TRIM2: variants seen among roughly 807,000 people sequenced by gnomAD.
TRIM2 encodes the protein tripartite motif-containing protein 2.
TRIM2 carries 20 observed loss-of-function variants against 75.2 expected under a neutral mutation model. The observed-to-expected ratio is 0.27, with a 90% CI of 0.19 to 0.39. TRIM2 has a LOEUF of 0.39. TRIM2 is among the 10% of genes least tolerant of loss of function. The pLI, the probability that TRIM2 is intolerant of heterozygous loss-of-function variation, is 1.00. For synonymous variants in TRIM2, 373 were observed against 388.3 expected (o/e 0.96, Z 0.46); for missense variants, 660 against 990.8 (o/e 0.67, Z 4.48).
In TRIM2 at chr4:153,204,459, T is replaced by TA; in HGVS notation, c.-70dup. The TA allele has an allele frequency of 6.5e-7, 1 of 1,531,960 alleles. No homozygotes were observed. Among genetic ancestry groups the TA allele is most frequent in the East Asian group, 2.5e-5 (1 of 40,806 alleles). The allele number at this position is 1,531,960 out of a possible 1,614,324, so 94.9% of individuals were successfully genotyped here. A position where few individuals can be genotyped will look rare whatever the true frequency, so the allele number is the denominator to read the frequency against. ...CTTTAACTCGGCAGCTTGATGACTATAATGGGCCCAGTTGTCTGCGGGCTG... is the reference window on the plus strand; with the variant it reads ...CTTTAACTCGGCAGCTTGATGACTATAAATGGGCCCAGTTGTCTGCGGGCTG... On this transcript the variant is annotated 5_prime_UTR_variant, in exon 1 of 12. It adds an upstream start codon to the 5' untranslated region. Coordinates refer to ENST00000338700, the MANE Select transcript of TRIM2 (RefSeq NM_015271.5).
At chr4:153,318,324 G>A (rs1768148533) in intron 8 of TRIM2, among the ~76,000 whole-genome samples, 2 of 152,194 alleles carry the variant, frequency 1.3e-5, no homozygotes, top group South Asian at 4.1e-4. Context: ...TTACGTAATT[G>A]TGAAACTCTC....
At chr4:153,214,677 G>C (rs1455510416) in intron 1 of TRIM2, among the ~76,000 whole-genome samples, 1 of 152,154 alleles carries the variant, frequency 6.6e-6, no homozygotes, top group Non-Finnish European at 1.5e-5. Flanking sequence ...GACCAAGCCA[G>C]TGTTTCTTGT....
intron 3 of TRIM2, 127 bp downstream of exon 3, chr4:153,276,257 A>G (rs1758009060): frequency 1.3e-6 from 1 of 782,416 alleles, no homozygotes; most frequent in African/African-American, 1.7e-5. Context: ...ATTAAAAAAG[A>G]TTTTTACCAG....
In TRIM2 at chr4:153,322,689, T is replaced by C. The variant is rs1001065185; in HGVS notation, c.1824T>C (p.Val608=). The C allele has an allele frequency of 6.2e-7, 1 of 1,614,136 alleles. No individual in the cohort carries two copies. Among genetic ancestry groups the C allele is most frequent in the Non-Finnish European group, 8.5e-7 (1 of 1,179,996 alleles). ...GSGKLMGPKG[V]SVDRNGHIIV... Reference sequence around the variant, plus strand: ...GAAAGCTGATGGGACCCAAAGGAGTTTCTGTGGACCGCAATGGGCACATTA... The same window carrying C: ...GAAAGCTGATGGGACCCAAAGGAGTCTCTGTGGACCGCAATGGGCACATTA... The change falls in exon 9 of 12, where the codon GTT becomes GTC. Residue 608 remains valine (V), a synonymous_variant. Coordinates refer to ENST00000338700, the MANE Select transcript of TRIM2 (RefSeq NM_015271.5).
At chr4:153,220,585 C>T (rs1252959668) in intron 1 of TRIM2, among the ~76,000 whole-genome samples, 1 of 152,068 alleles carries the variant, frequency 6.6e-6, no homozygotes, top group Non-Finnish European at 1.5e-5. Context: ...TTTAAAAGGA[C>T]AATTTAAAAT....
intron 1 of TRIM2, among the ~76,000 whole-genome samples, chr4:153,176,568 A>T (rs1731456598): frequency 6.6e-6 from 1 of 152,128 alleles, no homozygotes; most frequent in African/African-American, 2.4e-5. Context: ...ATAGGTTTAA[A>T]ATTATTTCCC....
intron 1 of TRIM2, among the ~76,000 whole-genome samples, chr4:153,221,134 TATATA>T (rs1739852980): frequency 6.6e-6 from 1 of 152,240 alleles, no homozygotes; most frequent in African/African-American, 2.4e-5. Context: ...GTGGTGTATT[TATATA>T]ATATAACATT....
intron 6 of TRIM2, chr4:153,310,214 T>C (rs1394135643): frequency 6.6e-6 from 1 of 152,236 alleles, no homozygotes; most frequent in African/African-American, 2.4e-5. Context: ...TACTAGCTAA[T>C]ATGTAACCAT....
intron 1 of TRIM2, among the ~76,000 whole-genome samples, chr4:153,213,961 G>A (rs1226385519): frequency 1.3e-5 from 2 of 151,786 alleles, no homozygotes; most frequent in African/African-American, 4.8e-5. Flanking sequence ...ATTAGAAAGT[G>A]GCAGCTTAGC....
At chr4:153,293,334 A>G (rs977774325) in intron 4 of TRIM2, among the ~76,000 whole-genome samples, 13 of 152,256 alleles carry the variant, frequency 8.5e-5, no homozygotes, top group African/African-American at 2.9e-4. Flanking sequence ...GTAGAACTCC[A>G]GCCTCCTTAT....
At chr4:153,175,006 T>C (rs1244513255) in intron 1 of TRIM2, among the ~76,000 whole-genome samples, 1 of 101,778 alleles carries the variant, frequency 9.8e-6, no homozygotes, top group Non-Finnish European at 2.1e-5. Context: ...GTTTTGTTTT[T>C]GTTTTGTTTT....
intron 3 of TRIM2, among the ~76,000 whole-genome samples, chr4:153,278,240 A>C (rs1415438425): frequency 6.6e-6 from 1 of 152,046 alleles, no homozygotes; most frequent in Non-Finnish European, 1.5e-5. Flanking sequence ...CCTCTGCCCC[A>C]GTATCTGGGA....
chr4:153,294,508 T>C (rs760795091), intron 5 of TRIM2, 23 bp downstream of exon 5: 1 of 1,608,122 alleles, frequency 6.2e-7, no homozygotes, highest in South Asian at 1.1e-5. Context: ...TCATTACAGA[T>C]GTCCTGGAAG....
chr4:153,170,151 G>T (rs1730699399), intron 1 of TRIM2, among the ~76,000 whole-genome samples: 1 of 152,260 alleles, frequency 6.6e-6, no homozygotes, highest in South Asian at 2.1e-4. Flanking sequence ...GGAAGAGGGG[G>T]AAAAGGGAGG....
intron 1 of TRIM2, among the ~76,000 whole-genome samples, chr4:153,264,483 A>G (rs910698992): frequency 6.6e-6 from 1 of 152,152 alleles, no homozygotes; most frequent in African/African-American, 2.4e-5. Context: ...GATTTCTTTC[A>G]TTATAGTGCA....
At chr4:153,258,623 G>T (rs1374062189) in intron 1 of TRIM2, among the ~76,000 whole-genome samples, 2 of 152,118 alleles carry the variant, frequency 1.3e-5, no homozygotes, top group African/African-American at 4.8e-5. Flanking sequence ...TGGTATTATT[G>T]TCTTAAGGAA....
chr4:153,210,856 C>T (rs1736789937), intron 1 of TRIM2, among the ~76,000 whole-genome samples: 1 of 152,150 alleles, frequency 6.6e-6, no homozygotes, highest in Non-Finnish European at 1.5e-5. Flanking sequence ...ACCCTAGAAG[C>T]CCCAGAAGCC....
intron 6 of TRIM2, chr4:153,308,105 C>T: frequency 1.1e-6 from 1 of 919,578 alleles, no homozygotes; most frequent in Non-Finnish European, 1.8e-6. Flanking sequence ...GGGACATGCT[C>T]CGCTCGGTCA....
chr4:153,266,343 G>GT (rs1560913616), intron 1 of TRIM2, among the ~76,000 whole-genome samples: 1,521 of 106,030 alleles, frequency 0.014, 21 homozygotes, highest in African/African-American at 0.061. Flanking sequence ...CTAATTTTTG[G>GT]GTTTTTTTTT....
Sources: gnomAD v4.1 joint callset for allele counts (sites outside exome capture counted in the v4.1 genomes callset) on GRCh38, gnomAD v4.1.1 for gene constraint, MANE v1.5 for transcripts, NCBI Gene and HGNC (gene_info 2026-07-23, HGNC 2026-07-21) for gene names.